WDR70: variants seen among roughly 807,000 people sequenced by gnomAD.
The protein encoded by WDR70 is WD repeat domain 70.
In WDR70, 53 loss-of-function variants were observed where a neutral mutation model predicts 88.6. The ratio of observed to expected loss-of-function variants is 0.60; its 90% CI spans 0.48 to 0.75. The LOEUF (loss-of-function observed/expected upper bound fraction) is 0.75. Among genes scored for constraint, WDR70 ranks in the 30% least tolerant of loss-of-function variants. The probability of loss-of-function intolerance (pLI) is 0.00; values close to 1 mark genes in which losing one functional copy is unlikely to be tolerated. For missense variants in WDR70, 610 were observed against 823.2 expected, an observed-to-expected ratio of 0.74 and a Z score of 3.17; for synonymous variants, 280 against 270.0, an observed-to-expected ratio of 1.04 and a Z score of -0.36.
chr5:37,527,401 A>C (rs536721338), intron 9 of WDR70, among the ~76,000 whole-genome samples: 1 of 152,256 alleles, frequency 6.6e-6, no homozygotes, highest in South Asian at 2.1e-4. Flanking sequence ...CCTATTTAAT[A>C]AATGATGCTG....
intron 9 of WDR70, among the ~76,000 whole-genome samples, chr5:37,603,779 C>A (rs1743953464): frequency 6.6e-6 from 1 of 152,060 alleles, no homozygotes; most frequent in Non-Finnish European, 1.5e-5. Flanking sequence ...TAGAATTTTT[C>A]ATTGTATCTT....
At chr5:37,415,724 G>C (rs1475472121) in intron 5 of WDR70, among the ~76,000 whole-genome samples, 1 of 151,012 alleles carries the variant, frequency 6.6e-6, no homozygotes, top group Non-Finnish European at 1.5e-5. Flanking sequence ...CGGGGCGGCT[G>C]CCAGGTGGAG....
chr5:37,411,201 G>A (rs553440590), intron 5 of WDR70, among the ~76,000 whole-genome samples: 5 of 152,146 alleles, frequency 3.3e-5, no homozygotes, highest in Non-Finnish European at 5.9e-5. Flanking sequence ...GCCTCAAGCC[G>A]CTTTCCTGTC....
chr5:37,608,736 TTTA>T (rs1299087578), intron 10 of WDR70, among the ~76,000 whole-genome samples: 1 of 152,088 alleles, frequency 6.6e-6, no homozygotes, highest in Non-Finnish European at 1.5e-5. Context: ...TTTCTTGTTT[TTTA>T]TAGAGATGGA....
intron 9 of WDR70, among the ~76,000 whole-genome samples, chr5:37,557,862 A>T (rs1449520570): frequency 1.1e-4 from 1 of 9,274 alleles, no homozygotes; most frequent in African/African-American, 5.2e-4. Flanking sequence ...TATATTTTGT[A>T]TTGTATGAGC....
intron 9 of WDR70, among the ~76,000 whole-genome samples, chr5:37,533,085 G>A (rs1254683911): frequency 6.6e-6 from 1 of 152,218 alleles, no homozygotes; most frequent in African/African-American, 2.4e-5. Context: ...GTACTGGGGT[G>A]TGTCCGCAAA....
intron 10 of WDR70, among the ~76,000 whole-genome samples, chr5:37,622,685 G>C (rs1744544838): frequency 1.3e-5 from 2 of 151,712 alleles, no homozygotes; most frequent in African/African-American, 4.8e-5. Context: ...GGTGGGAATT[G>C]AACAGTGAGA....
rs1047116035 is a variant in WDR70 at position 37,697,632 on chromosome 5, A to G, written c.1093-23A>G. On this transcript the variant is annotated intron_variant, in intron 10 of 17. Coordinates refer to ENST00000265107, the MANE Select transcript of WDR70 (RefSeq NM_018034.4). ...TTCTGAATTGAGGTGAGATATTAAC[A>G]CTTTGTTTGTCTTTGTGAATAGGTT... 4 of 1,597,210 alleles carry G rather than the reference A, an allele frequency of 2.5e-6. No individual in the cohort carries two copies. The African/African-American group carries it at 5.4e-5, about 21-fold the overall frequency.
chr5:37,566,874 AT>A (rs1359221214), intron 9 of WDR70, among the ~76,000 whole-genome samples: 1 of 152,152 alleles, frequency 6.6e-6, no homozygotes, highest in African/African-American at 2.4e-5. Flanking sequence ...TTCACCAGGG[AT>A]TTAGTTCAGA....
intron 7 of WDR70, among the ~76,000 whole-genome samples, chr5:37,469,703 A>G (rs1739266364): frequency 2.6e-5 from 4 of 152,202 alleles, no homozygotes; most frequent in South Asian, 4.1e-4. Context: ...CAGTTGTCAT[A>G]TTACTATATA....
intron 5 of WDR70, among the ~76,000 whole-genome samples, chr5:37,427,317 A>T (rs1321907460): frequency 6.6e-6 from 1 of 151,616 alleles, no homozygotes; most frequent in African/African-American, 2.4e-5. Flanking sequence ...TGAACCCGGG[A>T]GGCGGAGCTT....
intron 10 of WDR70, among the ~76,000 whole-genome samples, chr5:37,646,075 A>G (rs1745229686): frequency 6.6e-6 from 1 of 150,534 alleles, no homozygotes; most frequent in Non-Finnish European, 1.5e-5. Flanking sequence ...AGTGAAGGTG[A>G]TTTTCTCTGG....
At chr5:37,560,251 G>C (rs1015062715) in intron 9 of WDR70, among the ~76,000 whole-genome samples, 2 of 152,120 alleles carry the variant, frequency 1.3e-5, no homozygotes, top group Non-Finnish European at 2.9e-5. Flanking sequence ...GTTTGGAGAA[G>C]CAGATCAGGG....
At chr5:37,633,772 T>C (rs1026146243) in intron 10 of WDR70, among the ~76,000 whole-genome samples, 2 of 105,240 alleles carry the variant, frequency 1.9e-5, no homozygotes, top group Non-Finnish European at 4.2e-5. Context: ...AAGAATACTT[T>C]GGTTAAACAA....
chr5:37,596,723 TTGC>T (rs1743711021), intron 9 of WDR70, among the ~76,000 whole-genome samples: 1 of 152,238 alleles, frequency 6.6e-6, no homozygotes, highest in Non-Finnish European at 1.5e-5. Context: ...TATATGTATA[TTGC>T]ATATATAATT....
chr5:37,620,769 T>C (rs780802013), intron 10 of WDR70, among the ~76,000 whole-genome samples: 1 of 152,178 alleles, frequency 6.6e-6, no homozygotes, highest in Non-Finnish European at 1.5e-5. Flanking sequence ...TCAGAGGCCT[T>C]GTGAGATAGG....
intron 10 of WDR70, among the ~76,000 whole-genome samples, chr5:37,637,068 G>A (rs1178807925): frequency 3.3e-5 from 5 of 152,092 alleles, no homozygotes; most frequent in East Asian, 1.9e-4. Context: ...TAGGCCAGGC[G>A]TGGTAGCTCA....
In WDR70 at chr5:37,731,786, G is replaced by C. The variant is rs553883005; in HGVS notation, c.1877+4741G>C. On this transcript the variant is annotated intron_variant, in intron 17 of 17. Transcript: ENST00000265107. ...AATACTGATATAAATACTCTTTGCT[G>C]ATTATTCATTGATATTAGCAACGTA... is the stretch of plus-strand genomic sequence containing the variant. 2.6e-5 allele frequency among the ~76,000 whole-genome samples: 4 copies of C among 152,226 alleles called. No individual in the cohort carries two copies. In the South Asian group the frequency reaches 8.3e-4, roughly 32 times the overall value.
At chr5:37,691,060 G>A (rs1376550111) in intron 10 of WDR70, among the ~76,000 whole-genome samples, 2 of 152,058 alleles carry the variant, frequency 1.3e-5, no homozygotes, top group Non-Finnish European at 2.9e-5. Flanking sequence ...ACAAAAAAAA[G>A]CGGGGGTTGC....
Sources: allele counts gnomAD v4.1 joint callset (sites outside exome capture counted in the v4.1 genomes callset), GRCh38; gene constraint gnomAD v4.1.1; transcripts MANE v1.5; gene names NCBI Gene and HGNC (gene_info 2026-07-23, HGNC 2026-07-21).